The following SMG9 variants were observed in gnomAD, a reference collection of about 807,000 sequenced individuals.
The protein encoded by SMG9 is nonsense-mediated mRNA decay factor SMG9.
A neutral mutation model predicts 64.0 loss-of-function variants in SMG9; 55 were observed. The ratio of observed to expected loss-of-function variants is 0.86; its 90% CI spans 0.69 to 1.08. SMG9 has a LOEUF of 1.08. SMG9 is among the 50% of genes least tolerant of loss of function. SMG9 has a pLI of 0.00. For synonymous variants in SMG9, 244 were observed against 254.8 expected (o/e 0.96, Z 0.41); for missense variants, 554 against 681.3 (o/e 0.81, Z 2.08).
In SMG9 at chr19:43,734,213, T is replaced by C. The variant is rs1450750532; in HGVS notation, c.1102+176A>G. 14 of 603,788 alleles carry C rather than the reference T, an allele frequency of 2.3e-5. No individual in the cohort carries two copies. The East Asian group carries it at 2.5e-4, about 11-fold the overall frequency. 37.4% of individuals were successfully genotyped at this position (603,788 alleles called of 1,614,324 possible). A position where few individuals can be genotyped will look rare whatever the true frequency, so the allele number is the denominator to read the frequency against. ...AACTGTCAGGATTGGACCAGGGCAGTGGGAACTTGGAAGGAGCAGCTAATC... is the reference window on the plus strand; with the variant it reads ...AACTGTCAGGATTGGACCAGGGCAGCGGGAACTTGGAAGGAGCAGCTAATC... On this transcript the variant is annotated intron_variant, in intron 10 of 13. Coordinates refer to ENST00000270066, the MANE Select transcript of SMG9 (RefSeq NM_019108.4).
chr19:43,753,561 G>C (rs1372359600), intron 1 of SMG9, among the ~76,000 whole-genome samples: 1 of 150,000 alleles, frequency 6.7e-6, no homozygotes, highest in Non-Finnish European at 1.5e-5. Context: ...CCCGGGTTCA[G>C]GCAATTCTCC....
At chr19:43,735,542 G>A (rs1049050875) in intron 9 of SMG9, among the ~76,000 whole-genome samples, 8 of 150,358 alleles carry the variant, frequency 5.3e-5, no homozygotes, top group African/African-American at 1.7e-4. Context: ...TTGAACCTAG[G>A]AGGCGGAGGT....
intron 2 of SMG9, among the ~76,000 whole-genome samples, chr19:43,748,366 T>C (rs531380669): frequency 2.8e-4 from 43 of 152,314 alleles, no homozygotes; most frequent in African/African-American, 9.4e-4. Flanking sequence ...CAGGTCTGGG[T>C]GCAAACCTGA....
intron 6 of SMG9, among the ~76,000 whole-genome samples, chr19:43,743,181 C>T (rs1444583513): frequency 6.6e-6 from 1 of 152,122 alleles, no homozygotes; most frequent in Non-Finnish European, 1.5e-5. Flanking sequence ...AAAAGACAAG[C>T]TGGGTGACAG....
At chr19:43,753,568 C>G (rs1030725868) in intron 1 of SMG9, among the ~76,000 whole-genome samples, 3 of 147,076 alleles carry the variant, frequency 2.0e-5, no homozygotes, top group Non-Finnish European at 4.4e-5. Context: ...TCAGGCAATT[C>G]TCCTGCCTCA....
Position 43,731,555 on chromosome 19 carries a change from G to T in SMG9, c.*41C>A, listed in dbSNP as rs371720254. The stretch of plus-strand genomic sequence containing the variant: ...TCTGTGCTCCCTCGCAGTACACTGC[G>T]GACCCAGGAGGTCCCCTGCATGACA... On this transcript the variant is annotated 3_prime_UTR_variant, in exon 14 of 14. Transcript: ENST00000270066. The T allele has an allele frequency of 6.2e-7, 1 of 1,613,542 alleles. No individual in the cohort carries two copies. The highest frequency in any genetic ancestry group is 1.3e-5 in the African/African-American group (1 of 74,930).
Position 43,733,671 on chromosome 19 carries a change from G to A in SMG9, c.1165C>T (p.Leu389=). 6.2e-7 allele frequency: 1 copy of A among 1,614,126 alleles called. No individual in the cohort carries two copies. Among genetic ancestry groups the A allele is most frequent in the Non-Finnish European group, 8.5e-7 (1 of 1,180,028 alleles). ...FCPRKLRQMH[L]MIDQLMAHSH... is the part of the protein sequence containing the mutation. Reference sequence around the variant, plus strand: ...TGGGCCATGAGCTGGTCAATCATCAGGTGCATCTGCCGCAGCTTCCGAGGA... The same window carrying A: ...TGGGCCATGAGCTGGTCAATCATCAAGTGCATCTGCCGCAGCTTCCGAGGA... The change falls in exon 11 of 14, where the codon CTG becomes TTG. Residue 389 remains leucine (L), a synonymous_variant. Coordinates refer to ENST00000270066, the MANE Select transcript of SMG9 (RefSeq NM_019108.4).
chr19:43,748,183 T>C, intron 2 of SMG9, 131 bp from the exon 3 acceptor site: 4 of 1,067,066 alleles, frequency 3.7e-6, no homozygotes, highest in South Asian at 1.8e-5. Flanking sequence ...GTGAGATAGA[T>C]ACTATTATTA....
rs1264772701 is a variant in SMG9, at chr19:43,732,924, A to ACATC, written c.1417_1418insGATG (p.Leu473ArgfsTer86). The ACATC allele has an allele frequency of 6.2e-7, 1 of 1,613,738 alleles. No individual in the cohort carries two copies. Among genetic ancestry groups the ACATC allele is most frequent in the African/African-American group, 1.3e-5 (1 of 74,786 alleles). On this transcript the variant is annotated frameshift_variant, in exon 13 of 14. Coordinates refer to ENST00000270066, the MANE Select transcript of SMG9 (RefSeq NM_019108.4). LOFTEE classifies it high-confidence loss of function. ...GGCCATGGACATCACTTGGCTCCGG[A>ACATC]GCTTGCTCACCAAGGACTGGAAACT...
At chr19:43,746,935 C>A (rs1276532139) in intron 5 of SMG9, among the ~76,000 whole-genome samples, 1 of 151,910 alleles carries the variant, frequency 6.6e-6, no homozygotes. Flanking sequence ...GATCCTCTTA[C>A]CTCAGCCTCC....
At chr19:43,742,488 T>C (rs940998701) in intron 6 of SMG9, among the ~76,000 whole-genome samples, 1 of 152,176 alleles carries the variant, frequency 6.6e-6, no homozygotes, top group Non-Finnish European at 1.5e-5. Context: ...CAACATTACC[T>C]CCCTATAACC....
chr19:43,738,007 A>G, intron 8 of SMG9, 115 bp downstream of exon 8: 1 of 1,002,560 alleles, frequency 1.0e-6, no homozygotes, highest in Non-Finnish European at 1.5e-6. Context: ...TGGGGCAGCC[A>G]GGGCTCTTCT....
Position 43,733,701 on chromosome 19 carries a change from A to G in SMG9, c.1135T>C (p.Phe379Leu). Residue 379 changes from phenylalanine to leucine, a missense_variant, in exon 11 of 14, where the codon TTC becomes CTC. By Grantham distance (22) the Phe-to-Leu change is conservative. Transcript: ENST00000270066. Reference protein sequence around the residue: ...FLQNKARREDFCPRKLRQMHL... With the variant: ...FLQNKARREDLCPRKLRQMHL... ...ATCTGCCGCAGCTTCCGAGGACAGA[A>G]GTCCTCTCGGCGAGCTTTGTTCTGC... The G allele has an allele frequency of 6.2e-7, 1 of 1,614,174 alleles. No individual in the cohort carries two copies. The highest frequency in any genetic ancestry group is 8.5e-7 in the Non-Finnish European group (1 of 1,180,042).
Position 43,731,268 on chromosome 19 carries a change from T to C in SMG9, c.*328A>G. On this transcript the variant is annotated 3_prime_UTR_variant, in exon 14 of 14. Transcript: ENST00000270066. Reference sequence around the variant, plus strand: ...TCAGGGAAGAGGGGCCTGTTGCTCCTGTCCCTGAAAAAGGAGGTCAAGATG... The same window carrying C: ...TCAGGGAAGAGGGGCCTGTTGCTCCCGTCCCTGAAAAAGGAGGTCAAGATG... 8.9e-7 allele frequency: 1 copy of C among 1,129,552 alleles called. No homozygotes were observed. The highest frequency in any genetic ancestry group is 1.1e-6 in the Non-Finnish European group (1 of 918,374). 70.0% of individuals were successfully genotyped at this position (1,129,552 alleles called of 1,614,324 possible).
chr19:43,729,807 G>A lies in SMG9; in HGVS notation c.*1789C>T, dbSNP rs116259551. 2.6e-5 allele frequency: 4 copies of A among 152,422 alleles called. No individual in the cohort carries two copies. The highest frequency in any genetic ancestry group is 4.8e-5 in the African/African-American group (2 of 41,548). The allele number at this position is 152,422 out of a possible 1,614,324, so 9.4% of individuals were successfully genotyped here. ...GGGGCAAAGGATTTAGAAGCATTTC[G>A]GTAAAAGGGCAGTGAATGTCACAGC... On this transcript the variant is annotated 3_prime_UTR_variant, in exon 14 of 14. Transcript: ENST00000270066.
At chr19:43,737,974 T>C (rs1968728513) in intron 8 of SMG9, 148 bp downstream of exon 8, 1 of 769,588 alleles carries the variant, frequency 1.3e-6, no homozygotes, top group Non-Finnish European at 2.2e-6. Context: ...TGACTCTCAG[T>C]GTTGTCCTCT....
intron 8 of SMG9, 136 bp from the exon 9 acceptor site, chr19:43,737,818 G>C (rs1032241519): frequency 6.3e-6 from 5 of 791,688 alleles, no homozygotes; most frequent in Non-Finnish European, 1.0e-5. Flanking sequence ...CCAGCACTGT[G>C]ATGGCACTTC....
intron 1 of SMG9, among the ~76,000 whole-genome samples, chr19:43,752,465 T>C (rs1234893176): frequency 3.9e-5 from 6 of 152,216 alleles, no homozygotes. Flanking sequence ...TTTTTGTAAA[T>C]AGAAAGTTTT....
rs1225978071 is a variant in SMG9, at chr19:43,754,958, T to G, written c.-311A>C. On this transcript the variant is annotated 5_prime_UTR_variant, in exon 1 of 14. Transcript: ENST00000270066. ...GCGCTGAGGGCTGGAGCTCGAGAAC[T>G]GAATGCGCTCGCCGGGCTGAGCGTG... is the stretch of plus-strand genomic sequence containing the variant. 3.3e-5 allele frequency: 5 copies of G among 152,232 alleles called. No individual in the cohort carries two copies. The highest frequency in any genetic ancestry group is 2.1e-4 in the South Asian group (1 of 4,834). The allele number at this position is 152,232 out of a possible 1,614,324, so 9.4% of individuals were successfully genotyped here.
Sources: gnomAD v4.1 joint callset for allele counts (sites outside exome capture counted in the v4.1 genomes callset) on GRCh38, gnomAD v4.1.1 for gene constraint, MANE v1.5 for transcripts, NCBI Gene and HGNC (gene_info 2026-07-23, HGNC 2026-07-21) for gene names.